OR5B17: variants seen among roughly 807,000 people sequenced by gnomAD.
OR5B17 encodes the protein olfactory receptor family 5 subfamily B member 17, also known as olfactory receptor 5B17.
For missense variants in OR5B17, 444 were observed against 378.7 expected, an observed-to-expected ratio of 1.17 and a Z score of -1.43; for synonymous variants, 150 against 135.8, an observed-to-expected ratio of 1.10 and a Z score of -0.73.
At position 58,358,555 on chromosome 11, in the gene OR5B17, A is replaced by C. The variant is rs1411242103; in HGVS notation, c.515T>G (p.Ile172Ser). 1 of 1,614,070 alleles carries C rather than the reference A, an allele frequency of 6.2e-7. No homozygotes were observed. Among genetic ancestry groups the C allele is most frequent in the Non-Finnish European group, 8.5e-7 (1 of 1,180,046 alleles). The change falls in exon 1 of 1, where the codon ATT (isoleucine) becomes AGT (serine). Residue 172 changes from isoleucine (I) to serine (S), a missense_variant. Transcript: ENST00000357377. ...FRLSFCMSNV[I>S]HHFFCDKPAV... is the part of the protein sequence containing the mutation. ...TGGTTTGTCACAGAAAAAGTGATGA[A>C]TCACATTGGACATGCAGAAAGAGAG...
Position 58,358,991 on chromosome 11 carries a change from T to A in OR5B17, c.79A>T (p.Ile27Phe), listed in dbSNP as rs1017806747. Residue 27 changes from isoleucine (I) to phenylalanine (F), a missense_variant, in exon 1 of 1, where the codon ATC (isoleucine) becomes TTC (phenylalanine). By Grantham distance (21) the Ile-to-Phe change is conservative. Transcript: ENST00000357377. ...NAPELQVPLF[I>F]MFTLIYLITL... ...ATGAGGTAGATGAGGGTAAACATGA[T>A]AAAGAGGGGAACCTGTAGTTCTGGG... is the stretch of plus-strand genomic sequence containing the variant. The A allele has an allele frequency of 6.2e-7, 1 of 1,612,580 alleles. No homozygotes were observed. Among genetic ancestry groups the A allele is most frequent in the Admixed American group, 1.7e-5 (1 of 59,998 alleles).
At position 58,358,124 on chromosome 11, in the gene OR5B17, A is replaced by G. The variant is rs201775465; in HGVS notation, c.*1T>C. 6.7e-7 allele frequency: 1 copy of G among 1,489,250 alleles called. No individual in the cohort carries two copies. Among genetic ancestry groups the G allele is most frequent in the Non-Finnish European group, 9.2e-7 (1 of 1,086,178 alleles). The allele number at this position is 1,489,250 out of a possible 1,614,324, so 92.3% of individuals were successfully genotyped here. ...AATAACATTGTGATGATTTTGCATC[A>G]TTAAAAGACTGAATCTAGAGAATAT... On this transcript the variant is annotated 3_prime_UTR_variant, in exon 1 of 1. Transcript: ENST00000357377.
In OR5B17 at chr11:58,358,483, A is replaced by G. The variant is rs567476233; in HGVS notation, c.587T>C (p.Ile196Thr). The G allele has an allele frequency of 2.5e-6, 4 of 1,613,960 alleles. No homozygotes were observed. The highest frequency in any genetic ancestry group is 1.3e-5 in the African/African-American group (1 of 75,058). The change falls in exon 1 of 1, where the codon ATT becomes ACT. Residue 196 changes from isoleucine to threonine, a missense_variant. Physicochemically the swap from Ile to Thr is moderately conservative, Grantham distance 89. Coordinates refer to ENST00000357377, the MANE Select transcript of OR5B17 (RefSeq NM_001005489.2). The stretch of plus-strand genomic sequence containing the variant: ...ATTAAAACTTGATATAAGAACAAGA[A>G]TCAACTCACTAATGTGTTTCTCAGA... The part of the protein sequence containing the change: ...TCSEKHISEL[I>T]LVLISSFNVF...
At position 58,358,548 on chromosome 11, in the gene OR5B17, G is replaced by A. The variant is rs1448604920; in HGVS notation, c.522C>T (p.His174=). 5.6e-6 allele frequency: 9 copies of A among 1,614,110 alleles called. No individual in the cohort carries two copies. The Admixed American group carries it at 1.3e-4, about 24-fold the overall frequency. Residue 174 remains histidine, a synonymous_variant, in exon 1 of 1, where the codon CAC becomes CAT. Coordinates refer to ENST00000357377, the MANE Select transcript of OR5B17 (RefSeq NM_001005489.2). ...LSFCMSNVIH[H]FFCDKPAVIT... is the part of the protein sequence containing the mutation. ...TGACTGCTGGTTTGTCACAGAAAAA[G>A]TGATGAATCACATTGGACATGCAGA...
In OR5B17 at chr11:58,358,606, G is replaced by C; in HGVS notation, c.464C>G (p.Ser155Cys). ...GCYVIGFLNA[S>C]IQIGDTFRLS... ...GCGAAATGTATCTCCAATTTGGATA[G>C]AAGCATTCAGAAAACCAATGACATA... Residue 155 changes from serine (S) to cysteine (C), a missense_variant, in exon 1 of 1, where the codon TCT (serine) becomes TGT (cysteine). Coordinates refer to ENST00000357377, the MANE Select transcript of OR5B17 (RefSeq NM_001005489.2). 1.2e-6 allele frequency: 2 copies of C among 1,614,120 alleles called. No individual in the cohort carries two copies. The highest frequency in any genetic ancestry group is 1.7e-6 in the Non-Finnish European group (2 of 1,180,020).
chr11:58,358,435 G>T lies in OR5B17; in HGVS notation c.635C>A (p.Thr212Asn), dbSNP rs750230182. The T allele has an allele frequency of 1.2e-6, 2 of 1,613,972 alleles. No individual in the cohort carries two copies. The highest frequency in any genetic ancestry group is 2.2e-5 in the South Asian group (2 of 91,072). ...CAATATGAACAGATAGGAAATCAAG[G>T]TAACAAGAAGTGCAAAAAAGACATT... ...SFNVFFALLV[T>N]LISYLFILIT... The change falls in exon 1 of 1, where the codon ACC becomes AAC. Residue 212 changes from threonine (T) to asparagine (N), a missense_variant. Physicochemically the swap from Thr to Asn is moderately conservative, Grantham distance 65. Coordinates refer to ENST00000357377, the MANE Select transcript of OR5B17 (RefSeq NM_001005489.2).
Position 58,358,765 on chromosome 11 carries a change from C to G in OR5B17, c.305G>C (p.Cys102Ser). Residue 102 changes from cysteine (C) to serine (S), a missense_variant, in exon 1 of 1, where the codon TGT becomes TCT. Coordinates refer to ENST00000357377, the MANE Select transcript of OR5B17 (RefSeq NM_001005489.2). ...YSACAAQMFF[C>S]AVFATVENYL... ...ATTTTCCACAGTGGCAAAGACTGCA[C>G]AAAAGAACATCTGAGCAGCACAGGC... 1.9e-6 allele frequency: 3 copies of G among 1,614,074 alleles called. No homozygotes were observed. Among genetic ancestry groups the G allele is most frequent in the Middle Eastern group, 1.7e-4 (1 of 6,060 alleles).
Position 58,359,046 on chromosome 11 carries a change from A to T in OR5B17, c.24T>A (p.Ser8Arg). 1.9e-6 allele frequency: 3 copies of T among 1,599,650 alleles called. No individual in the cohort carries two copies. The highest frequency in any genetic ancestry group is 2.6e-6 in the Non-Finnish European group (3 of 1,176,428). ...TGGTTAGACCAAGCAGGATGAATTC[A>T]CTCACCTCTGTATTATTCTCCATGG... MENNTEVSEFILLGLTNA... is the reference protein window; with the variant it reads MENNTEVREFILLGLTNA... Residue 8 changes from serine (S) to arginine (R), a missense_variant, in exon 1 of 1, where the codon AGT becomes AGA. By Grantham distance (110) the Ser-to-Arg change is moderately radical (BLOSUM62 -1). Transcript: ENST00000357377.
Position 58,358,657 on chromosome 11 carries a change from A to C in OR5B17, c.413T>G (p.Val138Gly). ...ACAGCCTATAGCCAGACAAGCACAC[A>C]CACGTGTTGTCATGGTGGTGGTATA... ...LHYTTTMTTR[V>G]CACLAIGCYV... The change falls in exon 1 of 1, where the codon GTG becomes GGG. Residue 138 changes from valine to glycine, a missense_variant. Transcript: ENST00000357377. 1.2e-6 allele frequency: 2 copies of C among 1,614,152 alleles called. No individual in the cohort carries two copies. The highest frequency in any genetic ancestry group is 1.7e-6 in the Non-Finnish European group (2 of 1,180,026).
In OR5B17 at chr11:58,358,629, A is replaced by G. The variant is rs1449238936; in HGVS notation, c.441T>C (p.Tyr147=). The G allele has an allele frequency of 2.5e-6, 4 of 1,614,170 alleles. No individual in the cohort carries two copies. Among genetic ancestry groups the G allele is most frequent in the Non-Finnish European group, 2.5e-6 (3 of 1,180,030 alleles). Reference sequence around the variant, plus strand: ...TAGAAGCATTCAGAAAACCAATGACATAACAGCCTATAGCCAGACAAGCAC... The same window carrying G: ...TAGAAGCATTCAGAAAACCAATGACGTAACAGCCTATAGCCAGACAAGCAC... The part of the protein sequence containing the change: ...RVCACLAIGC[Y]VIGFLNASIQ... The change falls in exon 1 of 1, where the codon TAT becomes TAC. Residue 147 remains tyrosine, a synonymous_variant. Transcript: ENST00000357377.
rs1397597413 is a variant in OR5B17 at position 58,358,935 on chromosome 11, T to C, written c.135A>G (p.Ile45Met). The C allele has an allele frequency of 1.2e-6, 2 of 1,613,998 alleles. No homozygotes were observed. The highest frequency in any genetic ancestry group is 2.2e-5 in the East Asian group (1 of 44,866). ...GGAGATGAGAGTCCAGCAGGATTAA[T>C]ATGATCATCCCCAGGTTCCCAGTCA... ...ITLTGNLGMI[I>M]LILLDSHLHT... The change falls in exon 1 of 1, where the codon ATA (isoleucine) becomes ATG (methionine). Residue 45 changes from isoleucine to methionine, a missense_variant. By Grantham distance (10) the Ile-to-Met change is conservative. Transcript: ENST00000357377.
rs146601959 is a variant in OR5B17 at position 58,358,550 on chromosome 11, G to C, written c.520C>G (p.His174Asp). The C allele has an allele frequency of 4.3e-6, 7 of 1,614,002 alleles. No individual in the cohort carries two copies. The African/African-American group carries it at 9.3e-5, about 22-fold the overall frequency. The change falls in exon 1 of 1, where the codon CAC (histidine) becomes GAC (aspartate). Residue 174 changes from histidine to aspartate, a missense_variant. Coordinates refer to ENST00000357377, the MANE Select transcript of OR5B17 (RefSeq NM_001005489.2). ...ACTGCTGGTTTGTCACAGAAAAAGT[G>C]ATGAATCACATTGGACATGCAGAAA... ...LSFCMSNVIH[H>D]FFCDKPAVIT...
In OR5B17 at chr11:58,358,642, G is replaced by A. The variant is rs1328351983; in HGVS notation, c.428C>T (p.Ala143Val). Reference sequence around the variant, plus strand: ...AAAACCAATGACATAACAGCCTATAGCCAGACAAGCACACACACGTGTTGT... The same window carrying A: ...AAAACCAATGACATAACAGCCTATAACCAGACAAGCACACACACGTGTTGT... Reference protein sequence around the residue: ...TMTTRVCACLAIGCYVIGFLN... With the variant: ...TMTTRVCACLVIGCYVIGFLN... The change falls in exon 1 of 1, where the codon GCT becomes GTT. Residue 143 changes from alanine (A) to valine (V), a missense_variant. Ala to Val is a moderately conservative substitution (Grantham distance 64). Transcript: ENST00000357377. The A allele has an allele frequency of 9.9e-6, 16 of 1,614,010 alleles. No homozygotes were observed. The highest frequency in any genetic ancestry group is 1.3e-5 in the African/African-American group (1 of 74,926).
At position 58,358,890 on chromosome 11, in the gene OR5B17, A is replaced by G. The variant is rs746760420; in HGVS notation, c.180T>C (p.Phe60=). 1.2e-6 allele frequency: 2 copies of G among 1,614,106 alleles called. No individual in the cohort carries two copies. Among genetic ancestry groups the G allele is most frequent in the Non-Finnish European group, 8.5e-7 (1 of 1,179,998 alleles). Residue 60 remains phenylalanine (F), a synonymous_variant, in exon 1 of 1, where the codon TTT becomes TTC. Coordinates refer to ENST00000357377, the MANE Select transcript of OR5B17 (RefSeq NM_001005489.2). ...DSHLHTPMYF[F]LSNLSLAGIG... ...TGCCTGCAAGAGACAGGTTACTGAG[A>G]AAAAAGTACATGGGAGTGTGGAGAT...
In OR5B17 at chr11:58,358,862, C is replaced by A; in HGVS notation, c.208G>T (p.Gly70Cys). 1 of 1,614,004 alleles carries A rather than the reference C, an allele frequency of 6.2e-7. No individual in the cohort carries two copies. The highest frequency in any genetic ancestry group is 1.1e-5 in the South Asian group (1 of 91,078). ...TTTGGAGTGACAGCTGAGGAGTAAC[C>A]AATGCCTGCAAGAGACAGGTTACTG... Reference protein sequence around the residue: ...FLSNLSLAGIGYSSAVTPKVL... With the variant: ...FLSNLSLAGICYSSAVTPKVL... The change falls in exon 1 of 1, where the codon GGT becomes TGT. Residue 70 changes from glycine to cysteine, a missense_variant. Coordinates refer to ENST00000357377, the MANE Select transcript of OR5B17 (RefSeq NM_001005489.2).
In OR5B17 at chr11:58,358,139, C is replaced by A; in HGVS notation, c.931G>T (p.Asp311Tyr). 1.3e-6 allele frequency: 2 copies of A among 1,566,362 alleles called. No homozygotes were observed. The highest frequency in any genetic ancestry group is 1.8e-5 in the Admixed American group (1 of 56,712). Reference protein sequence around the residue: ...KVVEKAKYSLDSVF With the variant: ...KVVEKAKYSLYSVF ...ATTTTGCATCATTAAAAGACTGAAT[C>A]TAGAGAATATTTTGCCTTCTCAACA... Residue 311 changes from aspartate to tyrosine, a missense_variant, in exon 1 of 1, where the codon GAT becomes TAT. By Grantham distance (160) the Asp-to-Tyr change is radical (BLOSUM62 -3). Transcript: ENST00000357377.
Position 58,358,535 on chromosome 11 carries a change from T to C in OR5B17, c.535A>G (p.Lys179Glu), listed in dbSNP as rs188183883. The change falls in exon 1 of 1, where the codon AAA (lysine) becomes GAA (glutamate). Residue 179 changes from lysine (K) to glutamate (E), a missense_variant. Transcript: ENST00000357377. ...SNVIHHFFCD[K>E]PAVITLTCSE... ...CAGGTCAGAGTAATGACTGCTGGTT[T>C]GTCACAGAAAAAGTGATGAATCACA... 5.0e-6 allele frequency: 8 copies of C among 1,614,148 alleles called. No homozygotes were observed.
Position 58,358,844 on chromosome 11 carries a change from T to C in OR5B17, c.226A>G (p.Thr76Ala). The change falls in exon 1 of 1, where the codon ACT (threonine) becomes GCT (alanine). Residue 76 changes from threonine (T) to alanine (A), a missense_variant. By Grantham distance (58) the Thr-to-Ala change is moderately conservative. Transcript: ENST00000357377. ...AGCAACCCAGTTAAAACCTTTGGAG[T>C]GACAGCTGAGGAGTAACCAATGCCT... Reference protein sequence around the residue: ...LAGIGYSSAVTPKVLTGLLIE... With the variant: ...LAGIGYSSAVAPKVLTGLLIE... 6.2e-7 allele frequency: 1 copy of C among 1,613,978 alleles called. No individual in the cohort carries two copies.
rs1441546371 is a variant in OR5B17, at chr11:58,358,972, T to G, written c.98A>C (p.Tyr33Ser). ...CAGGTTCCCAGTCAGAGTGATGAGG[T>G]AGATGAGGGTAAACATGATAAAGAG... ...VPLFIMFTLIYLITLTGNLGM... is the reference protein window; with the variant it reads ...VPLFIMFTLISLITLTGNLGM... The change falls in exon 1 of 1, where the codon TAC becomes TCC. Residue 33 changes from tyrosine to serine, a missense_variant. Physicochemically the swap from Tyr to Ser is moderately radical, Grantham distance 144. Transcript: ENST00000357377. 1 of 1,613,306 alleles carries G rather than the reference T, an allele frequency of 6.2e-7. No individual in the cohort carries two copies.
Sources: allele counts gnomAD v4.1 joint callset, GRCh38; gene constraint gnomAD v4.1.1; transcripts MANE v1.5; gene names NCBI Gene and HGNC (gene_info 2026-07-23, HGNC 2026-07-21).